Variants in ADARB2 observed in about 807,000 individuals in gnomAD.
ADARB2 encodes inactive double-stranded RNA-specific editase B2.
A neutral mutation model predicts 62.2 loss-of-function variants in ADARB2; 25 were observed. The ratio of observed to expected loss-of-function variants is 0.40; its 90% CI spans 0.29 to 0.56. The LOEUF is 0.56. ADARB2 is among the 20% of genes least tolerant of loss of function. ADARB2 has a pLI of 0.43. For missense variants in ADARB2, 1,071 were observed against 1,077.4 expected, an observed-to-expected ratio of 0.99 and a Z score of 0.08; for synonymous variants, 572 against 500.8, an observed-to-expected ratio of 1.14 and a Z score of -1.90.
At chr10:1,475,731 G>T (rs1831391125) in intron 1 of ADARB2, among the ~76,000 whole-genome samples, 1 of 152,210 alleles carries the variant, frequency 6.6e-6, no homozygotes, top group Non-Finnish European at 1.5e-5. Context: ...CATAAATTTG[G>T]ATGGAACTGA....
intron 1 of ADARB2, among the ~76,000 whole-genome samples, chr10:1,623,041 A>G (rs1833724741): frequency 6.6e-6 from 1 of 152,166 alleles, no homozygotes; most frequent in African/African-American, 2.4e-5. Context: ...ATGAGCCTCA[A>G]AAACATTGTG....
At chr10:1,716,702 A>G (rs1588364508) in intron 1 of ADARB2, among the ~76,000 whole-genome samples, 1 of 152,322 alleles carries the variant, frequency 6.6e-6, no homozygotes, top group Middle Eastern at 3.4e-3. Context: ...AATATATATT[A>G]CATGAAAGTT....
chr10:1,219,695 AGGTAATGGTGGT>A (rs1467901626), intron 6 of ADARB2, among the ~76,000 whole-genome samples: 2 of 149,332 alleles, frequency 1.3e-5, no homozygotes, highest in African/African-American at 4.9e-5. Context: ...GTGATAATGG[AGGTAATGGTGGT>A]GGTGATGGTG....
At chr10:1,293,211 GGAGGGAGA>G (rs1831490407) in intron 3 of ADARB2, among the ~76,000 whole-genome samples, 1 of 108,806 alleles carries the variant, frequency 9.2e-6, no homozygotes, top group Admixed American at 9.4e-5. Context: ...AAAGAGGGAG[GGAGGGAGA>G]GAGGGACGGG....
chr10:1,650,585 C>T (rs1052670841), intron 1 of ADARB2, among the ~76,000 whole-genome samples: 1 of 152,214 alleles, frequency 6.6e-6, no homozygotes, highest in African/African-American at 2.4e-5. Flanking sequence ...CTAACTGCAT[C>T]AGAAGTCCTT....
chr10:1,186,861 C>T (rs75027289), intron 8 of ADARB2, among the ~76,000 whole-genome samples: 20,386 of 152,242 alleles, frequency 0.13, 1,733 homozygotes, highest in East Asian at 0.19. Flanking sequence ...TAGCAGACTC[C>T]CGGGAGGAAG....
intron 1 of ADARB2, among the ~76,000 whole-genome samples, chr10:1,688,503 C>T (rs1257383092): frequency 6.6e-6 from 1 of 152,194 alleles, no homozygotes; most frequent in Non-Finnish European, 1.5e-5. Context: ...GTGCATTTCT[C>T]ACTGAGATCT....
At chr10:1,510,044 C>T (rs1588282461) in intron 1 of ADARB2, among the ~76,000 whole-genome samples, 1 of 151,218 alleles carries the variant, frequency 6.6e-6, no homozygotes, top group African/African-American at 2.4e-5. Flanking sequence ...TTTCTTTTCT[C>T]TCTCTTCTCT....
intron 3 of ADARB2, chr10:1,290,517 G>T (rs546002143): frequency 6.6e-6 from 1 of 152,408 alleles, no homozygotes; most frequent in East Asian, 1.9e-4. Context: ...TGCTTGGAAT[G>T]AAATCCCTAT....
Position 1,668,418 on chromosome 10 carries a change from C to T in ADARB2, c.100+68633G>A, listed in dbSNP as rs78018886. Among the ~76,000 whole-genome samples, 516 of 152,300 alleles carry T rather than the reference C, an allele frequency of 3.4e-3. 4 individuals carry two copies. Among genetic ancestry groups the T allele is most frequent in the African/African-American group, 0.012 (487 of 41,554 alleles). On this transcript the variant is annotated intron_variant, in intron 1 of 9. Transcript: ENST00000381312. ...TGTGCTGTTAGTGCAGTGGAAAACCCCTCAGATATGAATTCAGAGACAGTT... is the reference window on the plus strand; with the variant it reads ...TGTGCTGTTAGTGCAGTGGAAAACCTCTCAGATATGAATTCAGAGACAGTT...
intron 1 of ADARB2, among the ~76,000 whole-genome samples, chr10:1,390,287 G>A (rs1266572887): frequency 2.6e-5 from 4 of 152,216 alleles, no homozygotes; most frequent in Admixed American, 6.5e-5. Context: ...CAGAGCATGG[G>A]CATCTCTGAA....
intron 1 of ADARB2, among the ~76,000 whole-genome samples, chr10:1,438,471 G>A (rs1205523729): frequency 1.5e-5 from 2 of 134,438 alleles, no homozygotes; most frequent in African/African-American, 5.7e-5. Flanking sequence ...ACAGAAGCAG[G>A]TTCTTCACTA....
intron 1 of ADARB2, among the ~76,000 whole-genome samples, chr10:1,732,196 AG>A (rs1564207294): frequency 6.6e-6 from 1 of 151,912 alleles, no homozygotes; most frequent in African/African-American, 2.4e-5. Context: ...ATACATACAT[AG>A]TAATATACAT....
intron 1 of ADARB2, among the ~76,000 whole-genome samples, chr10:1,531,276 G>A (rs1469677960): frequency 1.3e-5 from 2 of 152,182 alleles, no homozygotes; most frequent in Admixed American, 1.3e-4. Flanking sequence ...TTCACAAGTC[G>A]ATCCCATCAG....
At chr10:1,374,394 A>T (rs1285975299) in intron 2 of ADARB2, among the ~76,000 whole-genome samples, 1 of 152,184 alleles carries the variant, frequency 6.6e-6, no homozygotes, top group African/African-American at 2.4e-5. Flanking sequence ...CTTGTTTGAT[A>T]CGGTGTCCGG....
intron 1 of ADARB2, among the ~76,000 whole-genome samples, chr10:1,505,987 C>T (rs1282371027): frequency 6.6e-6 from 1 of 152,250 alleles, no homozygotes; most frequent in Non-Finnish European, 1.5e-5. Flanking sequence ...ATCATCTAAT[C>T]GTTTCTGGTT....
At chr10:1,473,473 G>A (rs374312526) in intron 1 of ADARB2, among the ~76,000 whole-genome samples, 9 of 152,036 alleles carry the variant, frequency 5.9e-5, no homozygotes, top group African/African-American at 1.7e-4. Flanking sequence ...TTCACTTCCC[G>A]GGCTCAAGGG....
At chr10:1,543,797 C>T (rs757106495) in intron 1 of ADARB2, among the ~76,000 whole-genome samples, 64 of 152,280 alleles carry the variant, frequency 4.2e-4, no homozygotes, top group African/African-American at 1.3e-3. Context: ...GCGCTGGGCC[C>T]GCTTATTAGT....
intron 1 of ADARB2, among the ~76,000 whole-genome samples, chr10:1,539,781 A>T (rs1294403853): frequency 1.3e-5 from 2 of 152,252 alleles, no homozygotes; most frequent in Non-Finnish European, 2.9e-5. Flanking sequence ...AATTCACTTC[A>T]ATGAAATTAC....
Sources: gnomAD v4.1 joint callset for allele counts (sites outside exome capture counted in the v4.1 genomes callset) on GRCh38, gnomAD v4.1.1 for gene constraint, MANE v1.5 for transcripts, NCBI Gene and HGNC (gene_info 2026-07-23, HGNC 2026-07-21) for gene names.